Variants in COL5A2 observed in about 807,000 individuals in gnomAD.
COL5A2 encodes the protein collagen type V alpha 2 chain, also known as collagen alpha-2(V) chain.
A neutral mutation model predicts 208.2 loss-of-function variants in COL5A2; 23 were observed. The observed-to-expected ratio is 0.11, with a 90% CI of 0.08 to 0.16. The LOEUF is 0.16. Ranked by LOEUF, COL5A2 falls within the 10% of genes least tolerant of loss-of-function variation. The pLI is 1.00. For synonymous variants in COL5A2, 625 were observed against 628.5 expected (o/e 0.99, Z 0.08); for missense variants, 1,590 against 1,956.4 (o/e 0.81, Z 3.53).
chr2:189,373,836 A>G, the COL5A2 span, among the ~76,000 whole-genome samples: 1 of 152,202 alleles, frequency 6.6e-6, no homozygotes, highest in East Asian at 1.9e-4. Flanking sequence ...AGTCGGTTCT[A>G]TAATTCTTCT....
chr2:189,224,802 A>T (rs1689392438), intron 1 of COL5A2, among the ~76,000 whole-genome samples: 1 of 152,186 alleles, frequency 6.6e-6, no homozygotes, highest in Non-Finnish European at 1.5e-5. Context: ...CTTTCTATGC[A>T]TCCAAAAACC....
At chr2:189,331,853 G>A in the COL5A2 span, among the ~76,000 whole-genome samples, 3 of 151,912 alleles carry the variant, frequency 2.0e-5, no homozygotes, top group Non-Finnish European at 2.9e-5. Context: ...GGGAGGCCGG[G>A]GCAGGAGAAT....
At chr2:189,392,662 G>A in the COL5A2 span, among the ~76,000 whole-genome samples, 6 of 152,116 alleles carry the variant, frequency 3.9e-5, 1 homozygote, top group South Asian at 8.3e-4. Context: ...GCAGGGAGGA[G>A]GTAGGGAAGA....
At chr2:189,270,374 T>A in the COL5A2 span, among the ~76,000 whole-genome samples, 11 of 152,288 alleles carry the variant, frequency 7.2e-5, no homozygotes, top group African/African-American at 2.4e-4. Context: ...GGGCTATAAA[T>A]TACCTTCTAC....
chr2:189,156,689 A>G, intron 1 of COL5A2, among the ~76,000 whole-genome samples: 1 of 152,162 alleles, frequency 6.6e-6, no homozygotes, highest in East Asian at 1.9e-4. Flanking sequence ...AAAAATATGT[A>G]TTGACATTTC....
At position 189,045,861 on chromosome 2, in the gene COL5A2, C is replaced by T. The variant is rs1559076883; in HGVS notation, c.3248G>A (p.Gly1083Asp). The change falls in exon 46 of 54, where the codon GGT becomes GAT. Residue 1083 changes from glycine to aspartate, a missense_variant. Coordinates refer to ENST00000374866, the MANE Select transcript of COL5A2 (RefSeq NM_000393.5). ...CACAGGGCCAGGAGTTCCAGGGGCA[C>T]CCTGAGAGCCTGGCAGACCTGCAGG... is the stretch of plus-strand genomic sequence containing the variant. ...PGPAGLPGSQGAPGTPGPVGA... is the reference protein window; with the variant it reads ...PGPAGLPGSQDAPGTPGPVGA... 1 of 1,614,176 alleles carries T rather than the reference C, an allele frequency of 6.2e-7. No individual in the cohort carries two copies. The highest frequency in any genetic ancestry group is 8.5e-7 in the Non-Finnish European group (1 of 1,180,012).
At position 189,034,194 on chromosome 2, in the gene COL5A2, T is replaced by G; in HGVS notation, c.4376A>C (p.Lys1459Thr). ...CTGTGTTCTATATTCAAAGACAGTC[T>G]TGCCCACATTTCCATTCCGCTTCTG... ...TCSKRNGNVG[K>T]TVFEYRTQNV... The change falls in exon 54 of 54, where the codon AAG (lysine) becomes ACG (threonine). Residue 1459 changes from lysine (K) to threonine (T), a missense_variant. Transcript: ENST00000374866. The G allele has an allele frequency of 6.2e-7, 1 of 1,614,006 alleles. No homozygotes were observed. Among genetic ancestry groups the G allele is most frequent in the Non-Finnish European group, 8.5e-7 (1 of 1,179,930 alleles).
intron 1 of COL5A2, among the ~76,000 whole-genome samples, chr2:189,176,659 G>T (rs1245781455): frequency 2.6e-5 from 4 of 151,674 alleles, no homozygotes; most frequent in Non-Finnish European, 4.4e-5. Context: ...CACAAATGTG[G>T]AATCTTTTGA....
At chr2:189,347,704 C>T in the COL5A2 span, among the ~76,000 whole-genome samples, 1 of 152,156 alleles carries the variant, frequency 6.6e-6, no homozygotes, top group African/African-American at 2.4e-5. Flanking sequence ...TGCCAAACCA[C>T]TGGCCTTCTG....
At chr2:189,264,166 A>G in the COL5A2 span, among the ~76,000 whole-genome samples, 1 of 152,274 alleles carries the variant, frequency 6.6e-6, no homozygotes, top group African/African-American at 2.4e-5. Context: ...TATAATAGCA[A>G]AAATACAAAG....
At chr2:189,308,038 G>A in the COL5A2 span, among the ~76,000 whole-genome samples, 3 of 152,042 alleles carry the variant, frequency 2.0e-5, no homozygotes, top group African/African-American at 7.2e-5. Context: ...ATTCTTTCTT[G>A]TGTGAGATCC....
the COL5A2 span, among the ~76,000 whole-genome samples, chr2:189,272,825 C>T: frequency 2.6e-5 from 4 of 152,062 alleles, no homozygotes; most frequent in Non-Finnish European, 4.4e-5. Flanking sequence ...GTGTTATTCT[C>T]CACCAGTTTG....
At chr2:189,301,450 T>C in the COL5A2 span, among the ~76,000 whole-genome samples, 1 of 152,128 alleles carries the variant, frequency 6.6e-6, no homozygotes, top group African/African-American at 2.4e-5. Context: ...GTTACCAAAT[T>C]TGTATGTGTT....
the COL5A2 span, among the ~76,000 whole-genome samples, chr2:189,383,689 A>G: frequency 2.6e-5 from 4 of 152,274 alleles, no homozygotes; most frequent in African/African-American, 7.2e-5. Context: ...TAAGCATACA[A>G]TGTGTAATGA....
intron 42 of COL5A2, 111 bp from the exon 43 acceptor site, chr2:189,050,787 TTC>T: frequency 1.2e-6 from 1 of 859,530 alleles, no homozygotes; most frequent in Non-Finnish European, 1.9e-6. Flanking sequence ...GAAAAAGAAG[TTC>T]TCTGTTTCTC....
At chr2:189,250,515 G>A in the COL5A2 span, among the ~76,000 whole-genome samples, 2 of 152,228 alleles carry the variant, frequency 1.3e-5, no homozygotes, top group Admixed American at 1.3e-4. Flanking sequence ...CTTCAATAGA[G>A]TGGCTAACAT....
the COL5A2 span, among the ~76,000 whole-genome samples, chr2:189,440,225 C>T: frequency 6.6e-6 from 1 of 152,346 alleles, no homozygotes; most frequent in South Asian, 2.1e-4. Flanking sequence ...TATTGTATTT[C>T]TCCACCATAA....
chr2:189,223,787 T>C (rs985050767), intron 1 of COL5A2, among the ~76,000 whole-genome samples: 2 of 152,110 alleles, frequency 1.3e-5, no homozygotes, highest in African/African-American at 2.4e-5. Context: ...GGGGAAGGGA[T>C]AGATGGTACT....
chr2:189,067,992 A>G, intron 21 of COL5A2, 23 bp downstream of exon 21: 1 of 1,575,810 alleles, frequency 6.3e-7, no homozygotes, highest in African/African-American at 1.3e-5. Context: ...CTAAAGGATG[A>G]TAGTTCTTTC....
Sources: gnomAD v4.1 joint callset for allele counts (sites outside exome capture counted in the v4.1 genomes callset) on GRCh38, gnomAD v4.1.1 for gene constraint, MANE v1.5 for transcripts, NCBI Gene and HGNC (gene_info 2026-07-23, HGNC 2026-07-21) for gene names.